Variants in PCDH15 observed in about 807,000 individuals in gnomAD.
The protein encoded by PCDH15 is protocadherin related 15.
Under a neutral mutation model 178.5 loss-of-function variants are expected in PCDH15, and 129 were observed. That is an observed-to-expected ratio of 0.72 (90% CI 0.63 to 0.84). The LOEUF (loss-of-function observed/expected upper bound fraction) is 0.84. Among genes scored for constraint, PCDH15 ranks in the 40% least tolerant of loss-of-function variants. The pLI is 0.00. For synonymous variants in PCDH15, 800 were observed against 732.0 expected (o/e 1.09, Z -1.50); for missense variants, 2,230 against 2,099.9 (o/e 1.06, Z -1.21).
At chr10:55,230,645 C>A (rs542653471) in intron 1 of PCDH15, among the ~76,000 whole-genome samples, 44 of 152,106 alleles carry the variant, frequency 2.9e-4, no homozygotes, top group African/African-American at 9.9e-4. Context: ...AGACAGCGGA[C>A]AGTGTTACTT....
intron 13 of PCDH15, among the ~76,000 whole-genome samples, chr10:54,183,113 C>T (rs899630611): frequency 6.6e-6 from 1 of 152,068 alleles, no homozygotes; most frequent in African/African-American, 2.4e-5. Context: ...TCCTGAGTAG[C>T]TGGGATTACA....
At chr10:53,903,624 A>C (rs905215957) in intron 25 of PCDH15, among the ~76,000 whole-genome samples, 2 of 152,092 alleles carry the variant, frequency 1.3e-5, no homozygotes, top group Admixed American at 1.3e-4. Flanking sequence ...TTAATTTGGC[A>C]CTAAAATACT....
intron 8 of PCDH15, among the ~76,000 whole-genome samples, chr10:54,249,090 A>T (rs2056250836): frequency 6.6e-6 from 1 of 152,018 alleles, no homozygotes; most frequent in Non-Finnish European, 1.5e-5. Context: ...CCACCCAATG[A>T]TTATCATTTT....
Position 53,822,942 on chromosome 10 carries a change from A to G in PCDH15, c.4368-2712T>C, listed in dbSNP as rs138788812. The stretch of plus-strand genomic sequence containing the variant: ...GGTGCCTTGCCACTGCTGCAGATCT[A>G]TGATCTCTGGTCTATTTGGAACTTT... On this transcript the variant is annotated intron_variant, in intron 32 of 37. Coordinates refer to ENST00000644397, the MANE Select transcript of PCDH15 (RefSeq NM_001384140.1). The G allele has an allele frequency of 1.4e-5, 23 of 1,613,950 alleles. No individual in the cohort carries two copies. Among genetic ancestry groups the G allele is most frequent in the African/African-American group, 1.2e-4 (9 of 74,912 alleles).
At chr10:54,565,944 T>G (rs1203140694) in intron 2 of PCDH15, among the ~76,000 whole-genome samples, 3 of 151,912 alleles carry the variant, frequency 2.0e-5, no homozygotes, top group Admixed American at 2.0e-4. Context: ...ATTAGCCAGG[T>G]GTGGTGATGC....
chr10:54,914,503 T>G (rs183794220), intron 2 of PCDH15, among the ~76,000 whole-genome samples: 8 of 147,420 alleles, frequency 5.4e-5, no homozygotes, highest in African/African-American at 1.9e-4. Context: ...TTTTCCTAAT[T>G]GTTACATACA....
chr10:55,369,627 A>T (rs1223486851), intron 2 of PCDH15, among the ~76,000 whole-genome samples: 1 of 152,076 alleles, frequency 6.6e-6, no homozygotes, highest in Non-Finnish European at 1.5e-5. Context: ...TGTGTTTTTT[A>T]ACCACAGATT....
intron 2 of PCDH15, among the ~76,000 whole-genome samples, chr10:54,555,973 A>G (rs529757733): frequency 6.6e-6 from 1 of 151,784 alleles, no homozygotes; most frequent in Non-Finnish European, 1.5e-5. Flanking sequence ...CCAAAGGGAA[A>G]GGACAAAAGC....
At chr10:54,672,273 C>T (rs1227876410) in intron 1 of PCDH15, among the ~76,000 whole-genome samples, 2 of 151,690 alleles carry the variant, frequency 1.3e-5, no homozygotes, top group Non-Finnish European at 2.9e-5. Flanking sequence ...GCACCTAAAT[C>T]ATCCCAAACC....
chr10:54,371,883 G>A (rs1947729516), intron 4 of PCDH15, among the ~76,000 whole-genome samples: 1 of 151,730 alleles, frequency 6.6e-6, no homozygotes, highest in African/African-American at 2.4e-5. Context: ...GAAAAATCAG[G>A]AGGAAAAAGT....
At chr10:54,013,008 A>G (rs1227970635) in intron 20 of PCDH15, among the ~76,000 whole-genome samples, 3 of 152,158 alleles carry the variant, frequency 2.0e-5, no homozygotes, top group African/African-American at 7.2e-5. Context: ...GCTGTCTTTA[A>G]GAGGCCCATC....
chr10:54,661,484 G>A (rs370761084), intron 2 of PCDH15, among the ~76,000 whole-genome samples: 32 of 151,586 alleles, frequency 2.1e-4, no homozygotes, highest in African/African-American at 7.5e-4. Flanking sequence ...TGCCCAAAGC[G>A]AGCTACATAG....
chr10:54,458,475 C>G (rs766423530), intron 3 of PCDH15, among the ~76,000 whole-genome samples: 4 of 152,042 alleles, frequency 2.6e-5, no homozygotes, highest in Non-Finnish European at 1.5e-5. Flanking sequence ...ACTACATAAC[C>G]ATTCGTGGTT....
intron 15 of PCDH15, among the ~76,000 whole-genome samples, chr10:54,109,442 A>G (rs1287030002): frequency 6.6e-6 from 1 of 152,208 alleles, no homozygotes; most frequent in Non-Finnish European, 1.5e-5. Context: ...CAAACTCTGA[A>G]TCTGTCATGG....
chr10:54,923,940 C>A (rs1398583899), intron 2 of PCDH15, among the ~76,000 whole-genome samples: 1 of 137,670 alleles, frequency 7.3e-6, no homozygotes, highest in South Asian at 2.3e-4. Context: ...ATAACAAAGC[C>A]CCACTTCTCT....
intron 1 of PCDH15, among the ~76,000 whole-genome samples, chr10:54,796,868 G>A (rs191348805): frequency 1.3e-5 from 2 of 152,086 alleles, no homozygotes; most frequent in Admixed American, 1.3e-4. Flanking sequence ...GGATTCCAGT[G>A]ATGTGCTGCA....
At chr10:55,527,282 G>T (rs1379132912) in intron 2 of PCDH15, among the ~76,000 whole-genome samples, 1 of 151,992 alleles carries the variant, frequency 6.6e-6, no homozygotes, top group Non-Finnish European at 1.5e-5. Flanking sequence ...AGGTTAAGGT[G>T]TCAGCCAGAA....
chr10:55,441,032 T>C (rs938501431), intron 2 of PCDH15, among the ~76,000 whole-genome samples: 5 of 152,174 alleles, frequency 3.3e-5, no homozygotes, highest in African/African-American at 1.2e-4. Context: ...AATTACAGGA[T>C]CCACAATTCA....
chr10:55,316,556 T>C (rs926624490), intron 1 of PCDH15, among the ~76,000 whole-genome samples: 5 of 152,168 alleles, frequency 3.3e-5, no homozygotes, highest in African/African-American at 9.7e-5. Flanking sequence ...ACAAAGTTTC[T>C]ACAACTTTTC....
Sources: allele counts gnomAD v4.1 joint callset (sites outside exome capture counted in the v4.1 genomes callset), GRCh38; gene constraint gnomAD v4.1.1; transcripts MANE v1.5; gene names NCBI Gene and HGNC (gene_info 2026-07-23, HGNC 2026-07-21).